The following FBXL13 variants were observed in gnomAD, a reference collection of about 807,000 sequenced individuals.
FBXL13 encodes the protein F-box and leucine rich repeat protein 13, also known as F-box and leucine-rich repeat protein 13.
A neutral mutation model predicts 83.6 loss-of-function variants in FBXL13; 67 were observed. The ratio of observed to expected loss-of-function variants is 0.80; its 90% confidence interval spans 0.66 to 0.98. The LOEUF (loss-of-function observed/expected upper bound fraction) is 0.98. Ranked by LOEUF, FBXL13 falls within the 50% of genes least tolerant of loss-of-function variation. FBXL13 has a pLI of 0.00. For synonymous variants in FBXL13, 272 were observed against 299.5 expected (o/e 0.91, Z 0.95); for missense variants, 822 against 866.5 (o/e 0.95, Z 0.64).
chr7:102,837,568 T>G (rs1344706591), intron 17 of FBXL13, among the ~76,000 whole-genome samples: 2 of 152,236 alleles, frequency 1.3e-5, no homozygotes, highest in Non-Finnish European at 2.9e-5. Flanking sequence ...AAGCTTTTCT[T>G]TCTTTTTGAC....
intron 1 of FBXL13, among the ~76,000 whole-genome samples, chr7:103,071,206 G>C (rs758048808): frequency 1.3e-5 from 2 of 151,404 alleles, no homozygotes; most frequent in Non-Finnish European, 2.9e-5. Flanking sequence ...GTAGAACAAG[G>C]TAAAGAAAAA....
At chr7:103,032,769 C>G (rs1300348853) in intron 2 of FBXL13, among the ~76,000 whole-genome samples, 1 of 152,238 alleles carries the variant, frequency 6.6e-6, no homozygotes, top group Admixed American at 6.5e-5. Context: ...GTGGCTCACA[C>G]TTGCAATCCC....
chr7:102,826,183 G>C (rs2129446337), intron 18 of FBXL13, among the ~76,000 whole-genome samples: 1 of 152,132 alleles, frequency 6.6e-6, no homozygotes, highest in African/African-American at 2.4e-5. Flanking sequence ...GAGAAGTCAG[G>C]TAATTTTACT....
intron 2 of FBXL13, among the ~76,000 whole-genome samples, chr7:103,035,126 G>A (rs1794947555): frequency 6.6e-6 from 1 of 152,188 alleles, no homozygotes; most frequent in Admixed American, 6.5e-5. Flanking sequence ...AAAGTTGGCA[G>A]GCAAGGGAAA....
intron 8 of FBXL13, among the ~76,000 whole-genome samples, chr7:102,956,246 C>T (rs367733718): frequency 2.6e-4 from 40 of 152,210 alleles, no homozygotes; most frequent in East Asian, 1.2e-3. Context: ...AATCAATAAA[C>T]GTAATCTATC....
chr7:102,890,695 G>C (rs1453966240), intron 11 of FBXL13, among the ~76,000 whole-genome samples: 1 of 152,180 alleles, frequency 6.6e-6, no homozygotes, highest in African/African-American at 2.4e-5. Context: ...AGAAGGAAGA[G>C]ACTTAGTGAC....
chr7:102,861,154 A>G (rs931902851), intron 16 of FBXL13, among the ~76,000 whole-genome samples: 7 of 152,106 alleles, frequency 4.6e-5, no homozygotes, highest in African/African-American at 1.7e-4. Flanking sequence ...CATATATAGT[A>G]TAGACATATA....
At chr7:102,933,659 G>A (rs1310210903) in intron 8 of FBXL13, 7 of 261,642 alleles carry the variant, frequency 2.7e-5, no homozygotes, top group East Asian at 7.6e-5. Context: ...AGCTTTCTAC[G>A]TCACTGTTCT....
chr7:103,029,747 T>C (rs989988522), intron 2 of FBXL13, among the ~76,000 whole-genome samples: 2 of 151,252 alleles, frequency 1.3e-5, no homozygotes, highest in African/African-American at 4.9e-5. Context: ...TGTTCACTAT[T>C]AAAACAGAAT....
exon 14 of FBXL13, chr7:102,883,305 C>A: frequency 1.2e-6 from 2 of 1,610,008 alleles, no homozygotes; most frequent in Non-Finnish European, 1.7e-6. Flanking sequence ...GACTCATTAC[C>A]TTACACAATT....
At chr7:102,987,882 T>G (rs935595116) in intron 6 of FBXL13, among the ~76,000 whole-genome samples, 5 of 152,168 alleles carry the variant, frequency 3.3e-5, no homozygotes, top group Non-Finnish European at 7.3e-5. Flanking sequence ...AGGGGGTAGA[T>G]GCTATGAAAT....
intron 1 of FBXL13, among the ~76,000 whole-genome samples, chr7:103,070,558 C>G (rs527781926): frequency 1.3e-5 from 2 of 152,052 alleles, no homozygotes; most frequent in African/African-American, 4.8e-5. Flanking sequence ...CCATTTTGCA[C>G]GGCTATAAAG....
intron 16 of FBXL13, among the ~76,000 whole-genome samples, chr7:102,868,864 C>T (rs185631599): frequency 6.6e-5 from 10 of 152,264 alleles, no homozygotes; most frequent in South Asian, 2.1e-4. Flanking sequence ...GACGAGGTTT[C>T]GCCATGTTGG....
intron 11 of FBXL13, among the ~76,000 whole-genome samples, chr7:102,903,346 G>A (rs979718947): frequency 4.6e-5 from 7 of 151,912 alleles, no homozygotes; most frequent in African/African-American, 1.4e-4. Flanking sequence ...ATATAAGATC[G>A]TATCATCTGC....
At chr7:102,924,796 G>A (rs1584964389) in intron 10 of FBXL13, among the ~76,000 whole-genome samples, 2 of 151,632 alleles carry the variant, frequency 1.3e-5, no homozygotes, top group African/African-American at 4.8e-5. Flanking sequence ...ACCCACCACC[G>A]CACCCGGCTA....
intron 1 of FBXL13, among the ~76,000 whole-genome samples, chr7:103,056,707 C>A (rs748420733): frequency 6.6e-6 from 1 of 152,192 alleles, no homozygotes; most frequent in Non-Finnish European, 1.5e-5. Flanking sequence ...ATCCGCCTGC[C>A]TCAGCCTCTG....
At chr7:102,893,911 GGAAA>G (rs983150914) in intron 11 of FBXL13, among the ~76,000 whole-genome samples, 17 of 143,660 alleles carry the variant, frequency 1.2e-4, no homozygotes, top group Admixed American at 2.9e-4. Context: ...GGGAGGGAGG[GGAAA>G]GAAAGAGAGA....
chr7:102,935,039 A>G (rs1820014768), intron 8 of FBXL13, among the ~76,000 whole-genome samples: 1 of 152,182 alleles, frequency 6.6e-6, no homozygotes, highest in Non-Finnish European at 1.5e-5. Context: ...AATGCCATCT[A>G]TATAACCTGA....
At chr7:103,043,548 G>A (rs1052774618) in intron 2 of FBXL13, among the ~76,000 whole-genome samples, 15 of 152,196 alleles carry the variant, frequency 9.9e-5, no homozygotes, top group Middle Eastern at 3.4e-3. Context: ...TGGCACCTCC[G>A]TCGCCGAGGC....
Sources: gnomAD v4.1 joint callset for allele counts (sites outside exome capture counted in the v4.1 genomes callset) on GRCh38, gnomAD v4.1.1 for gene constraint, MANE v1.5 for transcripts, NCBI Gene and HGNC (gene_info 2026-07-23, HGNC 2026-07-21) for gene names.